The following HSPA4L variants were observed in gnomAD, a reference collection of about 807,000 sequenced individuals.
HSPA4L encodes the protein heat shock protein family A (Hsp70) member 4 like.
A neutral mutation model predicts 100.3 loss-of-function variants in HSPA4L; 48 were observed. The observed-to-expected ratio is 0.48, with a 90% CI of 0.38 to 0.61. HSPA4L has a LOEUF of 0.61. HSPA4L is among the 20% of genes least tolerant of loss of function. The pLI, the probability that HSPA4L is intolerant of heterozygous loss-of-function variation, is 0.00. For missense variants in HSPA4L, 886 were observed against 988.6 expected, an observed-to-expected ratio of 0.90 and a Z score of 1.39; for synonymous variants, 319 against 328.2, an observed-to-expected ratio of 0.97 and a Z score of 0.30.
intron 16 of HSPA4L, among the ~76,000 whole-genome samples, chr4:127,824,858 T>C (rs1025327928): frequency 6.6e-6 from 1 of 152,172 alleles, no homozygotes; most frequent in East Asian, 1.9e-4. Context: ...TATATTGGGC[T>C]GGGCGCAGTG....
intron 14 of HSPA4L, 115 bp downstream of exon 14, chr4:127,820,680 ATT>A: frequency 2.3e-6 from 2 of 873,986 alleles, no homozygotes; most frequent in Non-Finnish European, 3.5e-6. Context: ...AAGGAATTAT[ATT>A]AAGTAGATTA....
chr4:127,828,454 G>A (rs981564280), intron 17 of HSPA4L, among the ~76,000 whole-genome samples: 11 of 151,932 alleles, frequency 7.2e-5, no homozygotes, highest in East Asian at 3.9e-4. Context: ...TTAAGAAAAC[G>A]GAAATACTTA....
intron 1 of HSPA4L, among the ~76,000 whole-genome samples, chr4:127,793,763 A>G (rs1331419085): frequency 6.6e-6 from 1 of 152,172 alleles, no homozygotes; most frequent in African/African-American, 2.4e-5. Context: ...ACCTTCCCTG[A>G]AAATCCATTG....
chr4:127,789,254 A>G (rs964910875), intron 1 of HSPA4L, among the ~76,000 whole-genome samples: 17 of 152,234 alleles, frequency 1.1e-4, no homozygotes, highest in Admixed American at 1.0e-3. Context: ...GGACATTTAG[A>G]AATCTTCATT....
At chr4:127,796,386 G>C (rs930258997) in intron 3 of HSPA4L, among the ~76,000 whole-genome samples, 1 of 151,954 alleles carries the variant, frequency 6.6e-6, no homozygotes, top group Non-Finnish European at 1.5e-5. Flanking sequence ...ACCAAAACAT[G>C]TTTGTGCTGA....
chr4:127,833,349 A>AAAAC lies in HSPA4L; in HGVS notation c.*479_*482dup, dbSNP rs1232201772. ...ATTGTATTGCTACAATTTAAATATT[A>AAAAC]AAACAAATAAGAGCTTTCTCAACAA... On this transcript the variant is annotated 3_prime_UTR_variant, in exon 19 of 19. Transcript: ENST00000296464. 3.3e-5 allele frequency: 5 copies of AAAAC among 152,728 alleles called. No individual in the cohort carries two copies. The highest frequency in any genetic ancestry group is 1.2e-4 in the African/African-American group (5 of 41,464). 9.5% of individuals were successfully genotyped at this position (152,728 alleles called of 1,614,324 possible). A position where few individuals can be genotyped will look rare whatever the true frequency, so the allele number is the denominator to read the frequency against.
intron 11 of HSPA4L, among the ~76,000 whole-genome samples, chr4:127,811,165 T>C (rs1733517175): frequency 7.0e-6 from 1 of 143,590 alleles, no homozygotes; most frequent in Non-Finnish European, 1.5e-5. Context: ...TTGTCCATGG[T>C]TAAATTCCCA....
At chr4:127,813,751 T>C (rs1435805312) in intron 12 of HSPA4L, among the ~76,000 whole-genome samples, 24 of 152,322 alleles carry the variant, frequency 1.6e-4, no homozygotes. Context: ...CAAGTGATTC[T>C]CCTGCCTCAG....
At chr4:127,786,890 A>T (rs1433775062) in intron 1 of HSPA4L, among the ~76,000 whole-genome samples, 1 of 152,236 alleles carries the variant, frequency 6.6e-6, no homozygotes, top group African/African-American at 2.4e-5. Context: ...GGAAGACAAT[A>T]AACTACTATT....
intron 1 of HSPA4L, among the ~76,000 whole-genome samples, chr4:127,784,817 T>A (rs1225639011): frequency 6.6e-6 from 1 of 152,256 alleles, no homozygotes; most frequent in African/African-American, 2.4e-5. Flanking sequence ...TTAGATAACC[T>A]TTAACTTCTC....
intron 12 of HSPA4L, among the ~76,000 whole-genome samples, chr4:127,815,443 C>A (rs1733647634): frequency 6.6e-6 from 1 of 150,908 alleles, no homozygotes; most frequent in African/African-American, 2.4e-5. Context: ...TACAGCTACT[C>A]AGGACGCTGG....
chr4:127,819,343 C>T (rs1186493438), intron 13 of HSPA4L, among the ~76,000 whole-genome samples: 1 of 152,206 alleles, frequency 6.6e-6, no homozygotes, highest in East Asian at 1.9e-4. Flanking sequence ...TTTTTCTAAC[C>T]TGCATAGATT....
In HSPA4L at chr4:127,836,044, GC is replaced by G. The variant is rs1734199947; in HGVS notation, c.*3171del. 6.5e-6 allele frequency: 1 copy of G among 152,830 alleles called. No individual in the cohort carries two copies. Among genetic ancestry groups the G allele is most frequent in the Middle Eastern group, 3.1e-3 (1 of 322 alleles). The allele number at this position is 152,830 out of a possible 1,614,324, so 9.5% of individuals were successfully genotyped here. ...TGCAATGAGCCATAATCATACCACT[GC>G]ACTCCAGCCTGGGCAACAGAGTGAG... On this transcript the variant is annotated 3_prime_UTR_variant, in exon 19 of 19. Coordinates refer to ENST00000296464, the MANE Select transcript of HSPA4L (RefSeq NM_014278.4).
chr4:127,794,229 AGAGT>A, intron 2 of HSPA4L, 95 bp downstream of exon 2: 1 of 914,196 alleles, frequency 1.1e-6, no homozygotes, highest in Non-Finnish European at 1.7e-6. Context: ...AGTGAATAAG[AGAGT>A]GAGGAAAATA....
intron 18 of HSPA4L, among the ~76,000 whole-genome samples, chr4:127,831,070 T>C (rs950692574): frequency 6.6e-6 from 1 of 152,206 alleles, no homozygotes; most frequent in African/African-American, 2.4e-5. Flanking sequence ...TTCAGACTTA[T>C]AGGTTGGATG....
At chr4:127,826,158 G>A (rs1382921532) in intron 16 of HSPA4L, among the ~76,000 whole-genome samples, 1 of 151,974 alleles carries the variant, frequency 6.6e-6, no homozygotes, top group Admixed American at 6.6e-5. Context: ...TGTAATGTTG[G>A]CACTTTGAGT....
intron 16 of HSPA4L, among the ~76,000 whole-genome samples, chr4:127,824,045 G>A (rs1461484844): frequency 6.6e-6 from 1 of 152,150 alleles, no homozygotes; most frequent in African/African-American, 2.4e-5. Flanking sequence ...TCTACTATCT[G>A]ATTCTAAGAG....
chr4:127,816,736 A>G (rs1733679119), intron 12 of HSPA4L, among the ~76,000 whole-genome samples: 1 of 152,254 alleles, frequency 6.6e-6, no homozygotes, highest in Admixed American at 6.5e-5. Context: ...ACAGAGTGAT[A>G]TTGTATAGAA....
At chr4:127,821,200 T>G (rs1733804763) in intron 14 of HSPA4L, among the ~76,000 whole-genome samples, 1 of 152,142 alleles carries the variant, frequency 6.6e-6, no homozygotes, top group Non-Finnish European at 1.5e-5. Context: ...ATATCATCTA[T>G]TCATTAATAA....
Sources: gnomAD v4.1 joint callset for allele counts (sites outside exome capture counted in the v4.1 genomes callset) on GRCh38, gnomAD v4.1.1 for gene constraint, MANE v1.5 for transcripts, NCBI Gene and HGNC (gene_info 2026-07-23, HGNC 2026-07-21) for gene names.